Variants in LTB observed in about 807,000 individuals in gnomAD.
The protein encoded by LTB is lymphotoxin-beta.
LTB carries 17 observed loss-of-function variants against 14.7 expected under a neutral mutation model. The ratio of observed to expected loss-of-function variants is 1.16; its 90% CI spans 0.79 to 1.73. The LOEUF (loss-of-function observed/expected upper bound fraction) is 1.73. LTB is among the 40% of genes most tolerant of loss of function. The probability of loss-of-function intolerance (pLI) is 0.00; values close to 1 mark genes in which losing one functional copy is unlikely to be tolerated. For missense variants in LTB, 288 were observed against 324.3 expected (o/e 0.89, Z 0.86); for synonymous variants, 163 against 157.3 (o/e 1.04, Z -0.27).
At chr6:31,581,916 C>T (rs553997400) in intron 1 of LTB, 57 bp from the exon 2 acceptor site, 4 of 1,517,678 alleles carry the variant, frequency 2.6e-6, no homozygotes, top group East Asian at 2.3e-5. Flanking sequence ...TCACCCCTAC[C>T]CCTCTGAAAG....
chr6:31,580,850 C>A lies in LTB; in HGVS notation c.594G>T (p.Gly198=). 1 of 1,611,438 alleles carries A rather than the reference C, an allele frequency of 6.2e-7. No homozygotes were observed. Among genetic ancestry groups the A allele is most frequent in the Non-Finnish European group, 8.5e-7 (1 of 1,179,350 alleles). The change falls in exon 4 of 4, where the codon GGG becomes GGT. Residue 198 remains glycine (G), a synonymous_variant. Coordinates refer to ENST00000429299, the MANE Select transcript of LTB (RefSeq NM_002341.2). This position sits in a 1 kb window ranked among gnomAD's most constrained non-coding sequence, Gnocchi z 6.6. ...VLDPARRQGY[G]PLWYTSVGFG... is the part of the protein sequence containing the mutation. ...ACCCCACGCTCGTGTACCAGAGAGG[C>A]CCGTACCCTTGTCTCCTGGCCGGGT...
At chr6:31,581,421 G>C (rs549725707) in intron 3 of LTB, 138 bp downstream of exon 3, 13 of 881,802 alleles carry the variant, frequency 1.5e-5, no homozygotes, top group African/African-American at 1.7e-5. Flanking sequence ...ACGAGCGTAA[G>C]AGTGGGCACG....
chr6:31,581,634 G>A lies in LTB; in HGVS notation c.209-4C>T, dbSNP rs1771521146. The A allele has an allele frequency of 6.2e-7, 1 of 1,612,960 alleles. No individual in the cohort carries two copies. Among genetic ancestry groups the A allele is most frequent in the Non-Finnish European group, 8.5e-7 (1 of 1,179,966 alleles). ...TCCTCTGGCAGCTTCTGAAACCCTG[G>A]AAGGGGCAAAGAGTCCACGATTGGG... On this transcript the variant is annotated splice_polypyrimidine_tract_variant and splice_region_variant and intron_variant, in intron 2 of 3. Transcript: ENST00000429299.
At position 31,580,867 on chromosome 6, in the gene LTB, T is replaced by C. The variant is rs778494063; in HGVS notation, c.577A>G (p.Arg193Gly). The C allele has an allele frequency of 1.2e-6, 2 of 1,608,720 alleles. No individual in the cohort carries two copies. The highest frequency in any genetic ancestry group is 8.5e-7 in the Non-Finnish European group (1 of 1,178,190). Residue 193 changes from arginine (R) to glycine (G), a missense_variant, in exon 4 of 4, where the codon AGG becomes GGG. Arg to Gly is a moderately radical substitution (Grantham distance 125). Around this residue, in one of 2 missense-constraint regions of LTB, gnomAD observed 284 missense variants for 299.2 expected, o/e 0.95. Transcript: ENST00000429299. The surrounding 1 kb of genome is among the most constrained non-coding windows in gnomAD (Gnocchi z 6.6). ...CAGAGAGGCCCGTACCCTTGTCTCCTGGCCGGGTCCAGCACTGGAGTCACC... is the reference window on the plus strand; with the variant it reads ...CAGAGAGGCCCGTACCCTTGTCTCCCGGCCGGGTCCAGCACTGGAGTCACC... Reference protein sequence around the residue: ...ETVTPVLDPARRQGYGPLWYT... With the variant: ...ETVTPVLDPAGRQGYGPLWYT...
In LTB at chr6:31,582,261, C is replaced by G. The variant is rs1771602412; in HGVS notation, c.157G>C (p.Gly53Arg). The change falls in exon 1 of 4, where the codon GGA becomes CGA. Residue 53 changes from glycine (G) to arginine (R), a missense_variant. Around this residue, in one of 2 missense-constraint regions of LTB, gnomAD observed 284 missense variants for 299.2 expected, o/e 0.95. Transcript: ENST00000429299. ...VLALVPQDQG[G>R]LVTETADPGA... ...GGCCTGTTGCAGCCACTCACCAGTCCTCCCTGATCCTGGGGCACTAAGGCC... is the reference window on the plus strand; with the variant it reads ...GGCCTGTTGCAGCCACTCACCAGTCGTCCCTGATCCTGGGGCACTAAGGCC... The G allele has an allele frequency of 1.2e-6, 2 of 1,612,962 alleles. No individual in the cohort carries two copies. The highest frequency in any genetic ancestry group is 1.7e-5 in the Admixed American group (1 of 60,010).
rs2150393453 is a variant in LTB, at chr6:31,581,020, G to T, written c.424C>A (p.Arg142=). 6.3e-7 allele frequency: 1 copy of T among 1,576,530 alleles called. No homozygotes were observed. The highest frequency in any genetic ancestry group is 1.1e-5 in the South Asian group (1 of 87,592). The change falls in exon 4 of 4, where the codon CGG becomes AGG. Residue 142 remains arginine, a synonymous_variant. Coordinates refer to ENST00000429299, the MANE Select transcript of LTB (RefSeq NM_002341.2). Reference sequence around the variant, plus strand: ...CCGCCGCCAGGGGGCGCCCGGCCCCGGTAGCCGACGAGACAGTAGAGGTAA... The same window carrying T: ...CCGCCGCCAGGGGGCGCCCGGCCCCTGTAGCCGACGAGACAGTAGAGGTAA... ...LYYLYCLVGY[R]GRAPPGGGDP...
At chr6:31,582,119 G>C (rs186447095) in intron 1 of LTB, 137 bp downstream of exon 1, 9 of 1,033,426 alleles carry the variant, frequency 8.7e-6, no homozygotes, top group Middle Eastern at 2.1e-4. Context: ...AAGAGAGTCA[G>C]CAAAGAGACA....
chr6:31,581,610 C>A lies in LTB; in HGVS notation c.229G>T (p.Glu77Ter). ...QGLGFQKLPE[E>*]EPETDLSPGL... is the part of the protein sequence containing the mutation. ...GGGCTGAGATCTGTTTCTGGCTCCT[C>A]CTCTGGCAGCTTCTGAAACCCTGGA... Residue 77 changes from glutamate to a stop codon, truncating the protein, a stop_gained, in exon 3 of 4, where the codon GAG (glutamate) becomes TAG (stop). Coordinates refer to ENST00000429299, the MANE Select transcript of LTB (RefSeq NM_002341.2). LOFTEE classifies it high-confidence loss of function. 1.2e-6 allele frequency: 2 copies of A among 1,612,882 alleles called. No homozygotes were observed. Among genetic ancestry groups the A allele is most frequent in the Non-Finnish European group, 1.7e-6 (2 of 1,179,976 alleles).
chr6:31,581,927 T>G, intron 1 of LTB, 68 bp from the exon 2 acceptor site: 3 of 1,480,896 alleles, frequency 2.0e-6, no homozygotes, highest in Admixed American at 2.2e-5. Context: ...CCTCTGAAAG[T>G]GGACCCAAGC....
intron 3 of LTB, among the ~76,000 whole-genome samples, 159 bp downstream of exon 3, chr6:31,581,400 A>C (rs1771498126): frequency 6.6e-6 from 1 of 152,166 alleles, no homozygotes; most frequent in African/African-American, 2.4e-5. Flanking sequence ...AGAAGAAACT[A>C]CACTGCGGGG....
chr6:31,581,934 A>T (rs1771562193), intron 1 of LTB, 75 bp from the exon 2 acceptor site: 1 of 1,442,438 alleles, frequency 6.9e-7, no homozygotes, highest in African/African-American at 1.4e-5. Flanking sequence ...AAGTGGACCC[A>T]AGCTGCAGGC....
Position 31,580,831 on chromosome 6 carries a change from C to G in LTB, c.613G>C (p.Val205Leu). ...QGYGPLWYTS[V>L]GFGGLVQLRR... The stretch of plus-strand genomic sequence containing the variant: ...AGCTGCACCAGGCCGCCGAACCCCA[C>G]GCTCGTGTACCAGAGAGGCCCGTAC... The change falls in exon 4 of 4, where the codon GTG becomes CTG. Residue 205 changes from valine (V) to leucine (L), a missense_variant. Physicochemically the swap from Val to Leu is conservative, Grantham distance 32. Coordinates refer to ENST00000429299, the MANE Select transcript of LTB (RefSeq NM_002341.2). The surrounding 1 kb of genome is among the most constrained non-coding windows in gnomAD (Gnocchi z 6.6). 5 of 1,612,522 alleles carry G rather than the reference C, an allele frequency of 3.1e-6. No homozygotes were observed. The highest frequency in any genetic ancestry group is 4.2e-6 in the Non-Finnish European group (5 of 1,179,760).
At position 31,580,940 on chromosome 6, in the gene LTB, G is replaced by GC; in HGVS notation, c.503dup (p.Ala169ArgfsTer?). 1 of 1,575,286 alleles carries GC rather than the reference G, an allele frequency of 6.3e-7. No homozygotes were observed. Among genetic ancestry groups the GC allele is most frequent in the Non-Finnish European group, 8.6e-7 (1 of 1,161,708 alleles). ...GCTCGGGAGTGCCCGGCCCGTAGGC[G>GC]CCCCCCGCCCGGTACAGAGAGCTGC... On this transcript the variant is annotated frameshift_variant, in exon 4 of 4. Coordinates refer to ENST00000429299, the MANE Select transcript of LTB (RefSeq NM_002341.2). LOFTEE classifies it high-confidence loss of function. This position sits in a 1 kb window ranked among gnomAD's most constrained non-coding sequence, Gnocchi z 6.6.
At position 31,580,883 on chromosome 6, in the gene LTB, T is replaced by A; in HGVS notation, c.561A>T (p.Pro187=). ...CTTGTCTCCTGGCCGGGTCCAGCAC[T>A]GGAGTCACCGTCTCGGCGCCCTCGA... ...LLLEGAETVT[P]VLDPARRQGY... Residue 187 remains proline, a synonymous_variant, in exon 4 of 4, where the codon CCA becomes CCT. Transcript: ENST00000429299. This position sits in a 1 kb window ranked among gnomAD's most constrained non-coding sequence, Gnocchi z 6.6. The A allele has an allele frequency of 1.2e-6, 2 of 1,605,134 alleles. No homozygotes were observed. The highest frequency in any genetic ancestry group is 1.1e-5 in the South Asian group (1 of 89,942).
At chr6:31,581,968 A>G in intron 1 of LTB, 109 bp from the exon 2 acceptor site, 1 of 1,109,226 alleles carries the variant, frequency 9.0e-7, no homozygotes. Context: ...TACCAGCACC[A>G]TCCCCAACAC....
At position 31,581,768 on chromosome 6, in the gene LTB, G is replaced by A. The variant is rs577795781; in HGVS notation, c.208+46C>T. 4.3e-6 allele frequency: 7 copies of A among 1,609,402 alleles called. No individual in the cohort carries two copies. In the South Asian group the frequency reaches 4.4e-5, roughly 10 times the overall value. ...CTGGGGACGCAGCAGGGAGCTGGGA[G>A]CCCCTGAGGGTCTGAAGCGGGGAAG... On this transcript the variant is annotated intron_variant, in intron 2 of 3. Coordinates refer to ENST00000429299, the MANE Select transcript of LTB (RefSeq NM_002341.2).
chr6:31,581,950 G>T (rs180949041), intron 1 of LTB, 91 bp from the exon 2 acceptor site: 1 of 1,318,274 alleles, frequency 7.6e-7, no homozygotes, highest in Admixed American at 2.3e-5. Flanking sequence ...CAGGCCTGGG[G>T]TTTCTCCTAC....
intron 1 of LTB, 178 bp downstream of exon 1, chr6:31,582,078 G>T: frequency 1.2e-6 from 1 of 820,446 alleles, no homozygotes; most frequent in African/African-American, 1.7e-5. Flanking sequence ...GCTTATGTCG[G>T]GACACAAGCA....
At chr6:31,581,460 A>C in intron 3 of LTB, 99 bp downstream of exon 3, 3 of 1,168,420 alleles carry the variant, frequency 2.6e-6, no homozygotes, top group Non-Finnish European at 1.3e-6. Context: ...AGCGGGTGGG[A>C]AACCGAGCAC....
Sources: gnomAD v4.1 joint callset for allele counts (sites outside exome capture counted in the v4.1 genomes callset) on GRCh38, gnomAD v4.1.1 for gene constraint, gnomAD v4.1.1 regional missense constraint, Gnocchi (gnomAD v3.1) non-coding constraint, MANE v1.5 for transcripts, NCBI Gene and HGNC (gene_info 2026-07-23, HGNC 2026-07-21) for gene names.